Variants in P3H1 observed in about 807,000 individuals in gnomAD.
P3H1 encodes prolyl 3-hydroxylase 1.
Under a neutral mutation model 84.0 loss-of-function variants are expected in P3H1, and 69 were observed. That is an observed-to-expected ratio of 0.82 (90% CI 0.68 to 1.00). The LOEUF (loss-of-function observed/expected upper bound fraction) is 1.00, where lower values mean the gene tolerates loss of function less well. Ranked by LOEUF, P3H1 falls within the 50% of genes least tolerant of loss-of-function variation. P3H1 has a pLI of 0.00. For missense variants in P3H1, 878 were observed against 962.8 expected (o/e 0.91, Z 1.17); for synonymous variants, 366 against 388.8 (o/e 0.94, Z 0.69).
intron 5 of P3H1, 138 bp downstream of exon 5, chr1:42,757,645 G>T: frequency 8.0e-7 from 1 of 1,244,772 alleles, no homozygotes; most frequent in Non-Finnish European, 1.2e-6. Context: ...CCGAGTGACT[G>T]AACTCACATC....
At chr1:42,746,887 C>T in intron 14 of P3H1, 35 bp from the exon 15 acceptor site, 1 of 1,614,198 alleles carries the variant, frequency 6.2e-7, no homozygotes, top group Non-Finnish European at 8.5e-7. Context: ...TCAGAGAGGC[C>T]TCCGCTCCAG....
intron 1 of P3H1, among the ~76,000 whole-genome samples, chr1:42,764,441 A>AT (rs34645875): frequency 7.3e-6 from 1 of 136,166 alleles, no homozygotes. Context: ...AAAAAAAAAA[A>AT]AAAGAAAGAA....
At chr1:42,750,888 C>A (rs1171477832) in intron 10 of P3H1, among the ~76,000 whole-genome samples, 1 of 149,444 alleles carries the variant, frequency 6.7e-6, no homozygotes, top group Non-Finnish European at 1.5e-5. Context: ...CCGGCTGCCC[C>A]TACTGGGAAG....
intron 11 of P3H1, among the ~76,000 whole-genome samples, chr1:42,749,100 TC>T (rs567454343): frequency 4.8e-4 from 73 of 152,330 alleles, no homozygotes; most frequent in African/African-American, 1.7e-3. Context: ...TTGAAATCTC[TC>T]CACACACACA....
chr1:42,764,437 A>G (rs1012195932), intron 1 of P3H1, among the ~76,000 whole-genome samples: 2 of 149,236 alleles, frequency 1.3e-5, no homozygotes, highest in South Asian at 4.3e-4. Context: ...AAAAAAAAAA[A>G]AAAAAAAGAA....
chr1:42,759,378 G>T lies in P3H1; in HGVS notation c.631C>A (p.Leu211Met). The change falls in exon 3 of 15, where the codon CTG (leucine) becomes ATG (methionine). Residue 211 changes from leucine to methionine, a missense_variant. Leu to Met is a conservative substitution (Grantham distance 15, BLOSUM62 2). Transcript: ENST00000296388. The stretch of plus-strand genomic sequence containing the variant: ...TCCTCTGAGTAGAGTCGCACTCCCA[G>T]TCGAAATTCTTGCTACTGGGAAGAA... The part of the protein sequence containing the change: ...ETQPHMQEFR[L>M]GVRLYSEEQP... The T allele has an allele frequency of 6.2e-7, 1 of 1,614,134 alleles. No individual in the cohort carries two copies. Among genetic ancestry groups the T allele is most frequent in the South Asian group, 1.1e-5 (1 of 91,074 alleles).
intron 10 of P3H1, 82 bp downstream of exon 10, chr1:42,752,192 G>T: frequency 8.5e-7 from 1 of 1,172,190 alleles, no homozygotes; most frequent in Non-Finnish European, 1.3e-6. Flanking sequence ...CCTGCCACCA[G>T]CCCCAACTCT....
At chr1:42,747,457 G>A in intron 13 of P3H1, 45 bp from the exon 14 acceptor site, 1 of 1,565,146 alleles carries the variant, frequency 6.4e-7, no homozygotes, top group Non-Finnish European at 8.7e-7. Context: ...GACAAAGACT[G>A]TAATCCACTC....
chr1:42,748,443 T>A (rs1277900446), intron 11 of P3H1, 126 bp from the exon 12 acceptor site: 1 of 784,950 alleles, frequency 1.3e-6, no homozygotes, highest in Non-Finnish European at 2.3e-6. Flanking sequence ...ACTAGGGGGG[T>A]GTCTTTGGCT....
intron 1 of P3H1, 89 bp from the exon 2 acceptor site, chr1:42,762,564 T>C (rs1570479863): frequency 7.1e-7 from 1 of 1,406,942 alleles, no homozygotes; most frequent in Non-Finnish European, 1.0e-6. Flanking sequence ...AAACAGGAAA[T>C]CCCTGCCTCC....
chr1:42,750,649 CCG>C (rs1491131812), intron 10 of P3H1, among the ~76,000 whole-genome samples: 1,278 of 25,134 alleles, frequency 0.051, 335 homozygotes, highest in African/African-American at 0.23. Flanking sequence ...GGGAGGGAGG[CCG>C]GGGGGGGTGG....
chr1:42,749,326 G>T (rs16829935), intron 11 of P3H1, among the ~76,000 whole-genome samples: 1 of 152,154 alleles, frequency 6.6e-6, no homozygotes, highest in African/African-American at 2.4e-5. Context: ...TCTGTGCCAC[G>T]TACCAATGGC....
At chr1:42,748,576 T>G (rs1651861020) in intron 11 of P3H1, 1 of 510,026 alleles carries the variant, frequency 2.0e-6, no homozygotes, top group South Asian at 2.0e-5. Flanking sequence ...CTGGGCAGAA[T>G]GGCACAACCC....
At chr1:42,765,897 C>T (rs1652960541) in intron 1 of P3H1, among the ~76,000 whole-genome samples, 1 of 152,122 alleles carries the variant, frequency 6.6e-6, no homozygotes, top group South Asian at 2.1e-4. Flanking sequence ...ATCACCACCA[C>T]CAAACAAGCC....
In P3H1 at chr1:42,750,659, T is replaced by TGGG. The variant is rs1232774164; in HGVS notation, c.1570-324_1570-323insCCC. 0.03 allele frequency among the ~76,000 whole-genome samples: 1,265 copies of TGGG among 41,918 alleles called. 370 individuals are homozygous for TGGG. The highest frequency in any genetic ancestry group is 0.11 in the African/African-American group (1,176 of 10,840). The allele number at this position is 41,918 out of a possible 152,430, so 27.5% of individuals were successfully genotyped here. A position where few individuals can be genotyped will look rare whatever the true frequency, so the allele number is the denominator to read the frequency against. On this transcript the variant is annotated intron_variant, in intron 10 of 14. Coordinates refer to ENST00000296388, the MANE Select transcript of P3H1 (RefSeq NM_022356.4). Reference sequence around the variant, plus strand: ...CGTCCGGGAGGGAGGCCGGGGGGGGTGGTCGGCCAGCCGCCCCGTCCGGGA... The same window carrying TGGG: ...CGTCCGGGAGGGAGGCCGGGGGGGGTGGGGGTCGGCCAGCCGCCCCGTCCGGGA...
chr1:42,747,250 C>T (rs777541818), intron 14 of P3H1, 22 bp downstream of exon 14: 3 of 1,613,446 alleles, frequency 1.9e-6, no homozygotes, highest in South Asian at 2.2e-5. Context: ...CAGCTGCTCT[C>T]ACCCGCTCGA....
rs1438318346 is a variant in P3H1, at chr1:42,750,653, G to C, written c.1570-317C>G. On this transcript the variant is annotated intron_variant, in intron 10 of 14. Transcript: ENST00000296388. ...CCACCCCGTCCGGGAGGGAGGCCGGGGGGGGTGGTCGGCCAGCCGCCCCGT... is the reference window on the plus strand; with the variant it reads ...CCACCCCGTCCGGGAGGGAGGCCGGCGGGGGTGGTCGGCCAGCCGCCCCGT... Among the ~76,000 whole-genome samples, 5 of 130,002 alleles carry C rather than the reference G, an allele frequency of 3.8e-5. 2 individuals carry two copies. Among genetic ancestry groups the C allele is most frequent in the Admixed American group, 7.2e-5 (1 of 13,812 alleles). The allele number at this position is 130,002 out of a possible 152,430, so 85.3% of individuals were successfully genotyped here. A position where few individuals can be genotyped will look rare whatever the true frequency, so the allele number is the denominator to read the frequency against.
chr1:42,764,441 AAAAG>A (rs1553144133), intron 1 of P3H1, among the ~76,000 whole-genome samples: 21 of 136,216 alleles, frequency 1.5e-4, no homozygotes, highest in Middle Eastern at 3.8e-3. Flanking sequence ...AAAAAAAAAA[AAAAG>A]AAAGAAAGAA....
At chr1:42,748,722 G>T in intron 11 of P3H1, 1 of 300,302 alleles carries the variant, frequency 3.3e-6, no homozygotes, top group Non-Finnish European at 6.6e-6. Flanking sequence ...GTGGCAGGAA[G>T]TGGGGCAGAG....
Sources: allele counts gnomAD v4.1 joint callset (sites outside exome capture counted in the v4.1 genomes callset), GRCh38; gene constraint gnomAD v4.1.1; transcripts MANE v1.5; gene names NCBI Gene and HGNC (gene_info 2026-07-23, HGNC 2026-07-21).